Variants in LRP8 observed in about 807,000 individuals in gnomAD.
The protein encoded by LRP8 is low-density lipoprotein receptor-related protein 8.
A neutral mutation model predicts 111.6 loss-of-function variants in LRP8; 46 were observed. The observed-to-expected ratio is 0.41, with a 90% CI of 0.33 to 0.53. LRP8 has a LOEUF of 0.53. Among genes scored for constraint, LRP8 ranks in the 20% least tolerant of loss-of-function variants. The pLI, the probability that LRP8 is intolerant of heterozygous loss-of-function variation, is 0.20. For missense variants in LRP8, 959 were observed against 1,297.4 expected (o/e 0.74, Z 4.01); for synonymous variants, 464 against 511.2 (o/e 0.91, Z 1.24).
In LRP8 at chr1:53,279,796, C is replaced by A. The variant is rs969000200; in HGVS notation, c.496+791G>T. The stretch of plus-strand genomic sequence containing the variant: ...GTAGCGACAGCCAGTCTGTCTCCCC[C>A]ACTAATCATGTGTTCCCAGAGGGAA... On this transcript the variant is annotated intron_variant, in intron 4 of 18. Transcript: ENST00000306052. The surrounding 1 kb of genome is among the most constrained non-coding windows in gnomAD (Gnocchi z 4.4). Among the ~76,000 whole-genome samples the A allele has an allele frequency of 2.0e-5, 3 of 152,222 alleles. No homozygotes were observed. Among genetic ancestry groups the A allele is most frequent in the Admixed American group, 6.5e-5 (1 of 15,290 alleles).
intron 8 of LRP8, among the ~76,000 whole-genome samples, chr1:53,269,171 C>A (rs999328543): frequency 1.3e-4 from 20 of 152,198 alleles, no homozygotes; most frequent in Admixed American, 3.3e-4. Context: ...GTACCAGCTT[C>A]CTTGCTATTC....
intron 13 of LRP8, 127 bp downstream of exon 13, chr1:53,260,337 G>A (rs1463641662): frequency 1.1e-5 from 9 of 804,698 alleles, no homozygotes; most frequent in Admixed American, 9.4e-5. Context: ...CCAACAAGAG[G>A]GATTGTTGTT....
chr1:53,291,441 A>G (rs1254536862), intron 2 of LRP8, among the ~76,000 whole-genome samples: 1 of 152,002 alleles, frequency 6.6e-6, no homozygotes, highest in Non-Finnish European at 1.5e-5. Flanking sequence ...ATACTTCCCA[A>G]TCTAGCCCCA....
At chr1:53,323,931 C>A (rs183619459) in intron 2 of LRP8, among the ~76,000 whole-genome samples, 1 of 152,340 alleles carries the variant, frequency 6.6e-6, no homozygotes, top group East Asian at 1.9e-4. Context: ...TTCTTGGCTT[C>A]CTTAAAAGTT....
Position 53,242,632 on chromosome 1 carries a change from G to C in LRP8, c.*4386C>G, listed in dbSNP as rs1278137430. 1 of 152,084 alleles carries C rather than the reference G, an allele frequency of 6.6e-6. No individual in the cohort carries two copies. The highest frequency in any genetic ancestry group is 1.9e-4 in the East Asian group (1 of 5,192). 9.4% of individuals were successfully genotyped at this position (152,084 alleles called of 1,614,324 possible). Reference sequence around the variant, plus strand: ...ATGCCTGATTCTTACATCAAATATGGTAACTTTGGGGTTGGTAGGGGGAGA... The same window carrying C: ...ATGCCTGATTCTTACATCAAATATGCTAACTTTGGGGTTGGTAGGGGGAGA... On this transcript the variant is annotated 3_prime_UTR_variant, in exon 19 of 19. Transcript: ENST00000306052.
At chr1:53,290,422 C>T (rs914781480) in intron 2 of LRP8, among the ~76,000 whole-genome samples, 1 of 151,870 alleles carries the variant, frequency 6.6e-6, no homozygotes, top group African/African-American at 2.4e-5. Flanking sequence ...AACAAGAAGT[C>T]GTAATGTATG....
chr1:53,255,994 T>G (rs928085008), intron 15 of LRP8, among the ~76,000 whole-genome samples: 3 of 152,258 alleles, frequency 2.0e-5, no homozygotes, highest in African/African-American at 4.8e-5. Context: ...AAAGCACATT[T>G]TAAACTGAAA....
At chr1:53,264,104 G>A (rs1163081668) in intron 10 of LRP8, 65 bp downstream of exon 10, 86 of 1,487,986 alleles carry the variant, frequency 5.8e-5, no homozygotes, top group Non-Finnish European at 6.9e-5. Context: ...GATAGCCCTT[G>A]TGACAGACAC....
At chr1:53,270,823 A>AGATT (rs1646736562) in intron 8 of LRP8, among the ~76,000 whole-genome samples, 1 of 152,142 alleles carries the variant, frequency 6.6e-6, no homozygotes, top group Non-Finnish European at 1.5e-5. Context: ...CTCCTTAATA[A>AGATT]ACCTTCGGCT....
rs1647036099 is a variant in LRP8 at position 53,279,453 on chromosome 1, A to G, written c.496+1134T>C. Among the ~76,000 whole-genome samples, 1 of 152,212 alleles carries G rather than the reference A, an allele frequency of 6.6e-6. No individual in the cohort carries two copies. Among genetic ancestry groups the G allele is most frequent in the Non-Finnish European group, 1.5e-5 (1 of 68,038 alleles). On this transcript the variant is annotated intron_variant, in intron 4 of 18. Coordinates refer to ENST00000306052, the MANE Select transcript of LRP8 (RefSeq NM_004631.5). This position sits in a 1 kb window ranked among gnomAD's most constrained non-coding sequence, Gnocchi z 4.4. ...AGAGGAAAGAGGATTCTCATTGGCCAGTGAGTCCCAGCAAAATTATCACAG... is the reference window on the plus strand; with the variant it reads ...AGAGGAAAGAGGATTCTCATTGGCCGGTGAGTCCCAGCAAAATTATCACAG...
intron 5 of LRP8, 132 bp downstream of exon 5, chr1:53,276,560 G>C (rs1038879404): frequency 1.5e-6 from 1 of 645,198 alleles, no homozygotes; most frequent in Non-Finnish European, 2.2e-6. Context: ...TCCCAGCCTC[G>C]GTCTCCTCTG....
chr1:53,256,047 G>A (rs1327491717), intron 15 of LRP8, among the ~76,000 whole-genome samples: 1 of 152,204 alleles, frequency 6.6e-6, no homozygotes, highest in Non-Finnish European at 1.5e-5. Context: ...ACTATGCCAT[G>A]CCATCTTTCT....
chr1:53,250,973 T>C lies in LRP8; in HGVS notation c.2504-111A>G. On this transcript the variant is annotated intron_variant, in intron 16 of 18. Transcript: ENST00000306052. This position sits in a 1 kb window ranked among gnomAD's most constrained non-coding sequence, Gnocchi z 4.6. ...TTTTACTACCCTTTGCTCCTCAGGC[T>C]CTGTTTCTGCATGTTCTTTTACTGC... 1.2e-6 allele frequency: 1 copy of C among 854,010 alleles called. No individual in the cohort carries two copies. The highest frequency in any genetic ancestry group is 1.9e-6 in the Non-Finnish European group (1 of 528,260). The allele number at this position is 854,010 out of a possible 1,614,324, so 52.9% of individuals were successfully genotyped here. A position where few individuals can be genotyped will look rare whatever the true frequency, so the allele number is the denominator to read the frequency against.
chr1:53,295,847 AC>A (rs1649611470), intron 2 of LRP8, among the ~76,000 whole-genome samples: 1 of 152,144 alleles, frequency 6.6e-6, no homozygotes, highest in African/African-American at 2.4e-5. Context: ...GGTCCAATGA[AC>A]CACACCTAGG....
rs1360055901 is a variant in LRP8, at chr1:53,242,529, A to G, written c.*4489T>C. The G allele has an allele frequency of 6.6e-6, 1 of 152,238 alleles. No individual in the cohort carries two copies. The highest frequency in any genetic ancestry group is 1.5e-5 in the Non-Finnish European group (1 of 68,052). 9.4% of individuals were successfully genotyped at this position (152,238 alleles called of 1,614,324 possible). A position where few individuals can be genotyped will look rare whatever the true frequency, so the allele number is the denominator to read the frequency against. ...GAAGAGACACCAGACTGCAAAGGGCACCGCGTACAGAAGCTAACGGAACTT... is the reference window on the plus strand; with the variant it reads ...GAAGAGACACCAGACTGCAAAGGGCGCCGCGTACAGAAGCTAACGGAACTT... On this transcript the variant is annotated 3_prime_UTR_variant, in exon 19 of 19. Coordinates refer to ENST00000306052, the MANE Select transcript of LRP8 (RefSeq NM_004631.5).
chr1:53,299,982 C>T lies in LRP8; in HGVS notation c.245-10293G>A, dbSNP rs565374257. On this transcript the variant is annotated intron_variant, in intron 2 of 18. Transcript: ENST00000306052. Reference sequence around the variant, plus strand: ...GCTTGGTCCCCAGTCCCTTACAGTCCACTCCTGTGGCTCCAGGGGCTACAA... The same window carrying T: ...GCTTGGTCCCCAGTCCCTTACAGTCTACTCCTGTGGCTCCAGGGGCTACAA... 3.9e-5 allele frequency among the ~76,000 whole-genome samples: 6 copies of T among 152,240 alleles called. No homozygotes were observed. The South Asian group carries it at 1.2e-3, about 32-fold the overall frequency.
intron 3 of LRP8, among the ~76,000 whole-genome samples, chr1:53,283,440 C>CCGGGCCACTTACTTACTACATACT (rs1647183608): frequency 6.7e-6 from 1 of 150,136 alleles, no homozygotes; most frequent in African/African-American, 2.4e-5. Context: ...TACTACATAC[C>CCGGGCCACTTACTTACTACATACT]CGGGCCACTT....
At chr1:53,297,469 C>T (rs11811623) in intron 2 of LRP8, among the ~76,000 whole-genome samples, 1,795 of 152,290 alleles carry the variant, frequency 0.012, 43 homozygotes, top group African/African-American at 0.041. Flanking sequence ...GGACTCGGTG[C>T]GTGGCTTTGT....
intron 2 of LRP8, among the ~76,000 whole-genome samples, chr1:53,322,030 A>G (rs1291231559): frequency 6.6e-6 from 1 of 152,146 alleles, no homozygotes; most frequent in Non-Finnish European, 1.5e-5. Flanking sequence ...CTAAGCAGAC[A>G]GGAGCAGGGG....
Sources: gnomAD v4.1 joint callset for allele counts (sites outside exome capture counted in the v4.1 genomes callset) on GRCh38, gnomAD v4.1.1 for gene constraint, Gnocchi (gnomAD v3.1) non-coding constraint, MANE v1.5 for transcripts, NCBI Gene and HGNC (gene_info 2026-07-23, HGNC 2026-07-21) for gene names.